The following FUBP1 variants were observed in gnomAD, a reference collection of about 807,000 sequenced individuals.
FUBP1 encodes far upstream element binding protein 1, also known as far upstream element-binding protein 1.
In FUBP1, 16 loss-of-function variants were observed where a neutral mutation model predicts 94.9. The observed-to-expected ratio is 0.17, with a 90% CI of 0.11 to 0.26. The LOEUF (loss-of-function observed/expected upper bound fraction) is 0.26. Ranked by LOEUF, FUBP1 falls within the 10% of genes least tolerant of loss-of-function variation. The probability of loss-of-function intolerance (pLI) is 1.00; values close to 1 mark genes in which losing one functional copy is unlikely to be tolerated. For missense variants in FUBP1, 583 were observed against 808.6 expected (o/e 0.72, Z 3.38); for synonymous variants, 279 against 254.9 (o/e 1.09, Z -0.90).
At chr1:77,976,638 C>A (rs1442889289) in intron 1 of FUBP1, among the ~76,000 whole-genome samples, 1 of 152,088 alleles carries the variant, frequency 6.6e-6, no homozygotes, top group East Asian at 1.9e-4. Flanking sequence ...GGACTACAGG[C>A]ACAGGCCACC....
At chr1:77,977,685 C>G (rs1331727139) in intron 1 of FUBP1, among the ~76,000 whole-genome samples, 1 of 152,212 alleles carries the variant, frequency 6.6e-6, no homozygotes. Flanking sequence ...GAGTGTTTGT[C>G]ATAGTTATAT....
Position 77,956,714 on chromosome 1 carries a change from A to G in FUBP1, c.1577-14T>C. The G allele has an allele frequency of 3.7e-6, 6 of 1,604,582 alleles. No individual in the cohort carries two copies. Among genetic ancestry groups the G allele is most frequent in the African/African-American group, 1.3e-5 (1 of 74,788 alleles). On this transcript the variant is annotated splice_polypyrimidine_tract_variant and intron_variant, in intron 16 of 19. Transcript: ENST00000370768. ...TTCCTGCCTTAGCTAAAATAAATGAAAGTTCAAGGTTTGCATGTGAAGTCT... is the reference window on the plus strand; with the variant it reads ...TTCCTGCCTTAGCTAAAATAAATGAGAGTTCAAGGTTTGCATGTGAAGTCT...
intron 18 of FUBP1, among the ~76,000 whole-genome samples, chr1:77,952,524 A>G (rs755858252): frequency 3.9e-5 from 6 of 152,224 alleles, no homozygotes; most frequent in Non-Finnish European, 8.8e-5. Context: ...GAATCAGGAA[A>G]TCTGAAGTCC....
chr1:77,969,254 C>T (rs1237204475), intron 2 of FUBP1, among the ~76,000 whole-genome samples: 1 of 151,930 alleles, frequency 6.6e-6, no homozygotes, highest in African/African-American at 2.4e-5. Context: ...CAGTGAGAAT[C>T]CTCCCTTTAA....
At position 77,966,744 on chromosome 1, in the gene FUBP1, A is replaced by G. The variant is rs770247986; in HGVS notation, c.423T>C (p.Gly141=). The change falls in exon 7 of 20, where the codon GGT becomes GGC. Residue 141 remains glycine (G), a synonymous_variant. Coordinates refer to ENST00000370768, the MANE Select transcript of FUBP1 (RefSeq NM_003902.5). ...ACATACAGGACCTTTCTGGAAGGCCACCACTGTCTACAATTTAAAACAAAC... is the reference window on the plus strand; with the variant it reads ...ACATACAGGACCTTTCTGGAAGGCCGCCACTGTCTACAATTTAAAACAAAC... ...GCKIQIAPDS[G]GLPERSCMLT... 6.4e-7 allele frequency: 1 copy of G among 1,562,268 alleles called. No homozygotes were observed. The highest frequency in any genetic ancestry group is 8.8e-7 in the Non-Finnish European group (1 of 1,132,946).
At chr1:77,970,950 C>T (rs915313293) in intron 1 of FUBP1, among the ~76,000 whole-genome samples, 2 of 151,622 alleles carry the variant, frequency 1.3e-5, no homozygotes, top group African/African-American at 2.4e-5. Flanking sequence ...GGCTGAGGCA[C>T]GAGAATCACT....
chr1:77,964,682 C>T lies in FUBP1; in HGVS notation c.801G>A (p.Glu267=), dbSNP rs1656145514. 6.2e-7 allele frequency: 1 copy of T among 1,610,598 alleles called. No individual in the cohort carries two copies. Among genetic ancestry groups the T allele is most frequent in the Admixed American group, 1.7e-5 (1 of 59,992 alleles). ...CATTTCCTCCTATTCTTGACCCATACTCATTCCGAACTTCTCTGAAACCGC... is the reference window on the plus strand; with the variant it reads ...CATTTCCTCCTATTCTTGACCCATATTCATTCCGAACTTCTCTGAAACCGC... ...DQGGFREVRN[E]YGSRIGGNEG... The change falls in exon 10 of 20, where the codon GAG becomes GAA. Residue 267 remains glutamate, a synonymous_variant. Coordinates refer to ENST00000370768, the MANE Select transcript of FUBP1 (RefSeq NM_003902.5).
intron 10 of FUBP1, 144 bp from the exon 11 acceptor site, chr1:77,964,500 T>C: frequency 1.5e-6 from 1 of 661,714 alleles, no homozygotes; most frequent in Non-Finnish European, 2.6e-6. Context: ...GTAAATAGGG[T>C]AACAAGATAT....
rs1173836252 is a variant in FUBP1 at position 77,964,046 on chromosome 1, T to C, written c.1041+16A>G. 1.1e-5 allele frequency: 15 copies of C among 1,426,516 alleles called. No individual in the cohort carries two copies. The highest frequency in any genetic ancestry group is 1.4e-5 in the Non-Finnish European group (14 of 1,009,924). The allele number at this position is 1,426,516 out of a possible 1,614,324, so 88.4% of individuals were successfully genotyped here. ...CCATAAAAACAAAAAATGAAAATGT[T>C]AACTTTCTATCAAACCTGAACACTT... On this transcript the variant is annotated intron_variant, in intron 12 of 19. Transcript: ENST00000370768.
At chr1:77,964,564 G>A (rs926222787) in intron 10 of FUBP1, 82 bp downstream of exon 10, 24 of 824,300 alleles carry the variant, frequency 2.9e-5, no homozygotes, top group Non-Finnish European at 4.7e-5. Context: ...AACAATGTTA[G>A]AGCTACTTAA....
Position 77,960,173 on chromosome 1 carries a change from G to A in FUBP1, c.1576+11C>T. 1 of 1,566,878 alleles carries A rather than the reference G, an allele frequency of 6.4e-7. No homozygotes were observed. The highest frequency in any genetic ancestry group is 8.8e-7 in the Non-Finnish European group (1 of 1,140,556). ...AATACAGATAACACACAAATAATAA[G>A]CATCTTCTACCTGGATCAGGAGGAG... On this transcript the variant is annotated intron_variant, in intron 16 of 19. Coordinates refer to ENST00000370768, the MANE Select transcript of FUBP1 (RefSeq NM_003902.5).
At chr1:77,953,192 T>A (rs1358305004) in intron 18 of FUBP1, among the ~76,000 whole-genome samples, 1 of 150,902 alleles carries the variant, frequency 6.6e-6, no homozygotes, top group Non-Finnish European at 1.5e-5. Context: ...GTTTTGCTCA[T>A]AAAATTAACA....
intron 1 of FUBP1, among the ~76,000 whole-genome samples, chr1:77,973,349 G>C (rs1218759739): frequency 6.6e-6 from 1 of 152,092 alleles, no homozygotes; most frequent in African/African-American, 2.4e-5. Context: ...AAGTTCAAGC[G>C]ATTCTCCTGC....
intron 3 of FUBP1, 113 bp from the exon 4 acceptor site, chr1:77,967,779 A>C: frequency 1.5e-6 from 1 of 679,184 alleles, no homozygotes; most frequent in South Asian, 2.0e-5. Context: ...TGCACAGACA[A>C]CACCTTGAAG....
At chr1:77,952,277 CCT>C (rs1164368137) in intron 18 of FUBP1, among the ~76,000 whole-genome samples, 1 of 151,296 alleles carries the variant, frequency 6.6e-6, no homozygotes, top group African/African-American at 2.4e-5. Context: ...AAAAATTTAT[CCT>C]CTTAGTTTGG....
intron 18 of FUBP1, among the ~76,000 whole-genome samples, chr1:77,949,616 A>AT (rs1286022373): frequency 1.3e-5 from 2 of 152,174 alleles, no homozygotes; most frequent in African/African-American, 4.8e-5. Context: ...TTGCCTTATA[A>AT]TTAATCGTTA....
chr1:77,963,889 A>G (rs920360418), intron 12 of FUBP1, among the ~76,000 whole-genome samples, 173 bp downstream of exon 12: 7 of 152,238 alleles, frequency 4.6e-5, no homozygotes, highest in African/African-American at 1.7e-4. Context: ...ATAAGGTAGC[A>G]CTTAAGGTAG....
At chr1:77,969,831 A>T in intron 2 of FUBP1, 94 bp downstream of exon 2, 2 of 542,156 alleles carry the variant, frequency 3.7e-6, no homozygotes, top group Non-Finnish European at 6.5e-6. Flanking sequence ...TTATAATAAA[A>T]GTTAATATCT....
At chr1:77,979,313 C>G, upstream of FUBP1, 1 of 350,294 alleles carries the variant, frequency 2.9e-6, no homozygotes, top group Non-Finnish European at 5.3e-6. Context: ...GGTAATTGTT[C>G]CTGCAGGGTG....
Sources: allele counts gnomAD v4.1 joint callset (sites outside exome capture counted in the v4.1 genomes callset), GRCh38; gene constraint gnomAD v4.1.1; transcripts MANE v1.5; gene names NCBI Gene and HGNC (gene_info 2026-07-23, HGNC 2026-07-21).